Variants in ZPBP observed in about 807,000 individuals in gnomAD.
ZPBP encodes zona pellucida binding protein.
A neutral mutation model predicts 44.8 loss-of-function variants in ZPBP; 26 were observed. The observed-to-expected ratio is 0.58, with a 90% confidence interval of 0.43 to 0.81. The LOEUF is 0.81. Among genes scored for constraint, ZPBP ranks in the 30% least tolerant of loss-of-function variants. The pLI, the probability that ZPBP is intolerant of heterozygous loss-of-function variation, is 0.00. For synonymous variants in ZPBP, 174 were observed against 153.2 expected, an observed-to-expected ratio of 1.14 and a Z score of -1.00; for missense variants, 409 against 434.0, an observed-to-expected ratio of 0.94 and a Z score of 0.51.
intron 2 of ZPBP, among the ~76,000 whole-genome samples, chr7:50,086,376 G>T (rs1473109217): frequency 6.6e-6 from 1 of 152,000 alleles, no homozygotes; most frequent in Non-Finnish European, 1.5e-5. Flanking sequence ...TCCAAGGAAG[G>T]CCAAATATTG....
chr7:49,883,286 A>G (rs1462188385), intron 2 of ZPBP, among the ~76,000 whole-genome samples: 1 of 152,130 alleles, frequency 6.6e-6, no homozygotes, highest in Non-Finnish European at 1.5e-5. Context: ...AATCCAGGGC[A>G]CTGCCATGGA....
At chr7:49,939,428 G>A (rs906705645) in intron 7 of ZPBP, among the ~76,000 whole-genome samples, 44 of 152,144 alleles carry the variant, frequency 2.9e-4, no homozygotes, top group African/African-American at 1.0e-3. Context: ...CTCCTTCCTA[G>A]TATACATACT....
chr7:49,988,480 T>C (rs1797418739), intron 6 of ZPBP, among the ~76,000 whole-genome samples: 1 of 152,220 alleles, frequency 6.6e-6, no homozygotes, highest in African/African-American at 2.4e-5. Context: ...ATAATGTTAA[T>C]TTGTGTTCCA....
At chr7:50,018,119 A>T in intron 6 of ZPBP, 121 bp downstream of exon 6, 1 of 706,924 alleles carries the variant, frequency 1.4e-6, no homozygotes, top group Non-Finnish European at 2.4e-6. Flanking sequence ...TTTTATTTTT[A>T]TTGTTGAAAT....
At chr7:50,033,324 G>A (rs527317546) in intron 4 of ZPBP, among the ~76,000 whole-genome samples, 10 of 152,186 alleles carry the variant, frequency 6.6e-5, no homozygotes, top group African/African-American at 2.2e-4. Flanking sequence ...CTTTGATTGC[G>A]ATGTCACATT....
chr7:49,896,370 T>G (rs1792382273), intron 2 of ZPBP, among the ~76,000 whole-genome samples: 1 of 152,046 alleles, frequency 6.6e-6, no homozygotes, highest in Non-Finnish European at 1.5e-5. Flanking sequence ...ACATCACAAC[T>G]TGTGAGAGAC....
intron 4 of ZPBP, among the ~76,000 whole-genome samples, chr7:50,047,763 T>C (rs1402234231): frequency 6.6e-6 from 1 of 151,914 alleles, no homozygotes; most frequent in Non-Finnish European, 1.5e-5. Context: ...GTTCCTGCTT[T>C]CCAGCCAGGA....
At chr7:50,085,493 T>C (rs1304994498) in intron 2 of ZPBP, among the ~76,000 whole-genome samples, 1 of 152,016 alleles carries the variant, frequency 6.6e-6, no homozygotes, top group African/African-American at 2.4e-5. Context: ...CAGTTTACAA[T>C]CACAGTGAGA....
chr7:50,093,204 G>T lies in ZPBP; in HGVS notation c.-10C>A. 6.6e-7 allele frequency: 1 copy of T among 1,513,214 alleles called. No homozygotes were observed. The highest frequency in any genetic ancestry group is 2.6e-5 in the East Asian group (1 of 38,310). 93.7% of individuals were successfully genotyped at this position (1,513,214 alleles called of 1,614,324 possible). A position where few individuals can be genotyped will look rare whatever the true frequency, so the allele number is the denominator to read the frequency against. ...GGGCGAAGGCCTCCATCCACACGCC[G>T]CCGTCGCCTGCCCACCGTCCGCGCG... On this transcript the variant is annotated 5_prime_UTR_variant, in exon 1 of 8. Transcript: ENST00000046087.
At chr7:49,939,131 T>C (rs893452974) in intron 7 of ZPBP, among the ~76,000 whole-genome samples, 8 of 152,190 alleles carry the variant, frequency 5.3e-5, no homozygotes, top group Non-Finnish European at 8.8e-5. Context: ...GTGTGTTGAT[T>C]ATGGCACATT....
At chr7:49,942,112 T>G (rs534597042) in intron 7 of ZPBP, 1 of 153,418 alleles carries the variant, frequency 6.5e-6, no homozygotes, top group African/African-American at 2.4e-5. Context: ...TAACTCAAAA[T>G]GAATCAAGGA....
At chr7:49,923,805 C>A (rs1364288179) in intron 1 of ZPBP, among the ~76,000 whole-genome samples, 2 of 152,100 alleles carry the variant, frequency 1.3e-5, no homozygotes, top group East Asian at 3.9e-4. Flanking sequence ...ATTAAAATAT[C>A]TTTATTTAAA....
chr7:49,993,338 C>T (rs1584000322), intron 6 of ZPBP, among the ~76,000 whole-genome samples: 1 of 151,312 alleles, frequency 6.6e-6, no homozygotes, highest in African/African-American at 2.4e-5. Flanking sequence ...CTAAAGAAGG[C>T]AAAATAAAAG....
chr7:49,983,680 A>C (rs1389984772), intron 6 of ZPBP, among the ~76,000 whole-genome samples, 161 bp from the exon 7 acceptor site: 1 of 152,140 alleles, frequency 6.6e-6, no homozygotes, highest in Non-Finnish European at 1.5e-5. Flanking sequence ...AAAACTGAAA[A>C]GATGTCATCT....
intron 2 of ZPBP, among the ~76,000 whole-genome samples, chr7:49,893,152 T>C (rs1478220115): frequency 1.3e-5 from 2 of 152,228 alleles, no homozygotes; most frequent in Non-Finnish European, 2.9e-5. Flanking sequence ...AAAATGGAGA[T>C]ATATTTTATA....
At chr7:49,974,760 T>C (rs1796430620) in intron 7 of ZPBP, among the ~76,000 whole-genome samples, 1 of 3,630 alleles carries the variant, frequency 2.8e-4, no homozygotes, top group Admixed American at 4.2e-3. Context: ...ATTTGGCAAA[T>C]GTCTGATGAA....
intron 7 of ZPBP, among the ~76,000 whole-genome samples, chr7:49,967,111 G>A (rs1796094852): frequency 6.6e-6 from 1 of 152,126 alleles, no homozygotes; most frequent in Admixed American, 6.5e-5. Context: ...TCCAGCCATA[G>A]TAATACTTCC....
At chr7:49,849,261 T>A (rs1468794969), downstream of ZPBP, among the ~76,000 whole-genome samples, 1 of 152,218 alleles carries the variant, frequency 6.6e-6, no homozygotes, top group East Asian at 1.9e-4. Context: ...ATGAATGAAT[T>A]TCCCCGAGGA....
At chr7:50,049,923 T>C (rs894066119) in intron 4 of ZPBP, among the ~76,000 whole-genome samples, 1 of 151,974 alleles carries the variant, frequency 6.6e-6, no homozygotes, top group African/African-American at 2.4e-5. Context: ...AAATCTAGTA[T>C]TGTTACATGA....
Sources: gnomAD v4.1 joint callset for allele counts (sites outside exome capture counted in the v4.1 genomes callset) on GRCh38, gnomAD v4.1.1 for gene constraint, MANE v1.5 for transcripts, NCBI Gene and HGNC (gene_info 2026-07-23, HGNC 2026-07-21) for gene names.